The following COXFA4 variants were observed in gnomAD, a reference collection of about 807,000 sequenced individuals.
The protein encoded by COXFA4 is cytochrome c oxidase associated subunit FA4.
chr7:10,933,478 T>G, the COXFA4 span: 1 of 590,880 alleles, frequency 1.7e-6, no homozygotes, highest in Non-Finnish European at 3.0e-6. Context: ...TATTTATTGA[T>G]TTAATCATTG....
the COXFA4 span, chr7:10,939,608 G>A: frequency 1.6e-5 from 3 of 190,228 alleles, no homozygotes; most frequent in Admixed American, 5.3e-5. Flanking sequence ...AAGGCCTGGT[G>A]GTGCAATGCG....
At chr7:10,937,602 G>A in the COXFA4 span, among the ~76,000 whole-genome samples, 1 of 152,074 alleles carries the variant, frequency 6.6e-6, no homozygotes, top group African/African-American at 2.4e-5. Context: ...TTTTGATGCT[G>A]TGCAGGGTCT....
chr7:10,937,051 A>T, the COXFA4 span, among the ~76,000 whole-genome samples: 21 of 151,976 alleles, frequency 1.4e-4, no homozygotes, highest in African/African-American at 4.8e-4. Flanking sequence ...ACAACAACAA[A>T]AAAACGTTGC....
chr7:10,939,921 G>A, the COXFA4 span: 2 of 1,376,346 alleles, frequency 1.5e-6, no homozygotes, highest in Non-Finnish European at 2.1e-6. Flanking sequence ...GACGGTAAGT[G>A]GCTGTAAATG....
At chr7:10,936,282 T>C in the COXFA4 span, among the ~76,000 whole-genome samples, 1 of 152,260 alleles carries the variant, frequency 6.6e-6, no homozygotes, top group Non-Finnish European at 1.5e-5. Flanking sequence ...AGCTATGTTG[T>C]TACAGCAACA....
At chr7:10,937,880 C>T in the COXFA4 span, 2 of 574,366 alleles carry the variant, frequency 3.5e-6, no homozygotes, top group African/African-American at 1.9e-5. Context: ...TACTATTTTT[C>T]CTTCTTTTCT....
the COXFA4 span, chr7:10,938,327 G>GA: frequency 3.1e-5 from 18 of 580,878 alleles, no homozygotes; most frequent in Non-Finnish European, 4.8e-5. Context: ...TAATCAATTA[G>GA]AAAAAAGGTA....
At chr7:10,934,423 T>A in the COXFA4 span, among the ~76,000 whole-genome samples, 26 of 127,380 alleles carry the variant, frequency 2.0e-4, no homozygotes, top group African/African-American at 8.0e-4. Context: ...TAAAAAAAAA[T>A]GACATATTTG....
the COXFA4 span, chr7:10,938,481 G>A: frequency 2.4e-6 from 1 of 421,514 alleles, no homozygotes; most frequent in Non-Finnish European, 4.3e-6. Flanking sequence ...AACTGCAAAT[G>A]TGCAAGTGAA....
the COXFA4 span, chr7:10,937,942 A>T: frequency 3.0e-6 from 2 of 669,954 alleles, no homozygotes; most frequent in Non-Finnish European, 5.3e-6. Context: ...GCAATATACC[A>T]TTTTCATTTC....
chr7:10,937,875 T>C, the COXFA4 span: 1 of 570,014 alleles, frequency 1.8e-6, no homozygotes, highest in South Asian at 2.2e-5. Context: ...AGCTATACTA[T>C]TTTTCCTTCT....
the COXFA4 span, chr7:10,939,653 A>G: frequency 3.1e-6 from 1 of 318,554 alleles, no homozygotes; most frequent in African/African-American, 2.1e-5. Flanking sequence ...GGTATAACAC[A>G]TAGGGAACCT....
the COXFA4 span, among the ~76,000 whole-genome samples, chr7:10,936,087 G>C: frequency 6.6e-6 from 1 of 152,174 alleles, no homozygotes; most frequent in Non-Finnish European, 1.5e-5. Context: ...TCTCTTAGGT[G>C]AGAGATTGTG....
chr7:10,934,797 C>T, the COXFA4 span, among the ~76,000 whole-genome samples: 29 of 152,134 alleles, frequency 1.9e-4, no homozygotes, highest in Non-Finnish European at 3.2e-4. Flanking sequence ...CAGACAGATA[C>T]AGACTTTTAT....
At chr7:10,934,474 G>A in the COXFA4 span, among the ~76,000 whole-genome samples, 2 of 150,424 alleles carry the variant, frequency 1.3e-5, no homozygotes, top group Admixed American at 6.6e-5. Context: ...ATTAATGCTT[G>A]TACACAAGCC....
chr7:10,937,965 A>G, the COXFA4 span: 1 of 775,544 alleles, frequency 1.3e-6, no homozygotes, highest in Non-Finnish European at 2.3e-6. Flanking sequence ...AGAACTACCT[A>G]ACAGCTCTTT....
chr7:10,934,407 G>C, the COXFA4 span, among the ~76,000 whole-genome samples: 1 of 142,368 alleles, frequency 7.0e-6, no homozygotes, highest in Non-Finnish European at 1.5e-5. Context: ...CCCTCTCTCA[G>C]TAACTTAAAA....
the COXFA4 span, chr7:10,932,564 T>G: frequency 6.6e-6 from 1 of 152,242 alleles, no homozygotes; most frequent in Admixed American, 6.5e-5. Flanking sequence ...AATCCAAAAT[T>G]AATGTCACTG....
the COXFA4 span, among the ~76,000 whole-genome samples, chr7:10,937,704 T>A: frequency 1.3e-5 from 2 of 152,188 alleles, no homozygotes; most frequent in African/African-American, 2.4e-5. Context: ...AGAAGAGTAG[T>A]TCCACAGACT....
Sources: gnomAD v4.1 joint callset for allele counts (sites outside exome capture counted in the v4.1 genomes callset) on GRCh38, gnomAD v4.1.1 for gene constraint, MANE v1.5 for transcripts, NCBI Gene and HGNC (gene_info 2026-07-23, HGNC 2026-07-21) for gene names.